Variants in GNG7 observed in about 807,000 individuals in gnomAD.
GNG7 encodes the protein G protein subunit gamma 7.
A neutral mutation model predicts 4.0 loss-of-function variants in GNG7; 1 was observed. That is an observed-to-expected ratio of 0.25 (90% CI 0.09 to 1.18). The LOEUF is 1.18. Ranked by LOEUF, GNG7 falls within the 50% of genes most tolerant of loss-of-function variation. The probability of loss-of-function intolerance (pLI) is 0.50; values close to 1 mark genes in which losing one functional copy is unlikely to be tolerated. For missense variants in GNG7, 86 were observed against 91.9 expected (o/e 0.94, Z 0.26); for synonymous variants, 34 against 36.9 (o/e 0.92, Z 0.29).
intron 1 of GNG7, among the ~76,000 whole-genome samples, chr19:2,685,211 G>T (rs990923108): frequency 6.6e-6 from 1 of 152,108 alleles, no homozygotes; most frequent in Non-Finnish European, 1.5e-5. Flanking sequence ...TGCTTCATGA[G>T]GACACAGTTT....
At chr19:2,556,012 G>A (rs1342998649) in intron 2 of GNG7, among the ~76,000 whole-genome samples, 1 of 152,230 alleles carries the variant, frequency 6.6e-6, no homozygotes, top group East Asian at 1.9e-4. Flanking sequence ...AGGTCTGGAG[G>A]GAGATCCAGG....
intron 3 of GNG7, among the ~76,000 whole-genome samples, chr19:2,547,197 C>T (rs1599383516): frequency 1.3e-5 from 2 of 152,114 alleles, no homozygotes; most frequent in East Asian, 1.9e-4. Flanking sequence ...TCTCCGCACA[C>T]TGGCAGCTCC....
chr19:2,697,139 A>T (rs1913286343), intron 1 of GNG7, among the ~76,000 whole-genome samples: 1 of 152,216 alleles, frequency 6.6e-6, no homozygotes, highest in South Asian at 2.1e-4. Context: ...AAAGGGGCTT[A>T]TAGGGATGTT....
rs933608351 is a variant in GNG7, at chr19:2,618,349, GTGTGTGTGT to G, written c.-78+27866_-78+27874del. 6.9e-6 allele frequency among the ~76,000 whole-genome samples: 1 copy of G among 144,776 alleles called. No homozygotes were observed. Among genetic ancestry groups the G allele is most frequent in the African/African-American group, 2.9e-5 (1 of 34,906 alleles). The allele number at this position is 144,776 out of a possible 152,430, so 95.0% of individuals were successfully genotyped here. On this transcript the variant is annotated intron_variant, in intron 2 of 4. Transcript: ENST00000382159. The surrounding 1 kb of genome is among the most constrained non-coding windows in gnomAD (Gnocchi z 5.1). The stretch of plus-strand genomic sequence containing the variant: ...TTCTACCTGTATGTGTGTGGTGTGT[GTGTGTGTGT>G]GTGTGTGTGTGTGTGTATCTCACTC...
chr19:2,542,731 C>T (rs1219118658), intron 3 of GNG7, among the ~76,000 whole-genome samples: 2 of 152,128 alleles, frequency 1.3e-5, no homozygotes, highest in Non-Finnish European at 2.9e-5. Context: ...CAGGATGGGA[C>T]TGGTTGGGGT....
chr19:2,697,418 G>A (rs1913293411), intron 1 of GNG7, among the ~76,000 whole-genome samples: 1 of 152,212 alleles, frequency 6.6e-6, no homozygotes, highest in East Asian at 1.9e-4. Flanking sequence ...GGACAGGAGT[G>A]ACCCCTCGGG....
At chr19:2,656,342 G>A (rs1299406849) in intron 1 of GNG7, among the ~76,000 whole-genome samples, 1 of 152,206 alleles carries the variant, frequency 6.6e-6, no homozygotes, top group Non-Finnish European at 1.5e-5. Context: ...GGTGGCTCAC[G>A]CCTGTCATCC....
Position 2,663,418 on chromosome 19 carries a change from G to A in GNG7, c.-134-17138C>T, listed in dbSNP as rs180948817. On this transcript the variant is annotated intron_variant, in intron 1 of 4. Coordinates refer to ENST00000382159, the MANE Select transcript of GNG7 (RefSeq NM_052847.3). ...GCTCTTTTGCCCTTCCACCTCTGAC[G>A]CAGCAAGAAGGCCCTCACCAGATGC... Among the ~76,000 whole-genome samples, 9 of 147,756 alleles carry A rather than the reference G, an allele frequency of 6.1e-5. No homozygotes were observed. The East Asian group carries it at 1.2e-3, about 20-fold the overall frequency.
Position 2,634,770 on chromosome 19 carries a change from A to C in GNG7, c.-78+11454T>G, listed in dbSNP as rs1273320413. On this transcript the variant is annotated intron_variant, in intron 2 of 4. Coordinates refer to ENST00000382159, the MANE Select transcript of GNG7 (RefSeq NM_052847.3). The surrounding 1 kb of genome is among the most constrained non-coding windows in gnomAD (Gnocchi z 5.3). ...GACCAGGACATGCTGAAATCTGGTG[A>C]CCGACCAGGGGGAAATAAACCCGCT... is the stretch of plus-strand genomic sequence containing the variant. 6.6e-6 allele frequency among the ~76,000 whole-genome samples: 1 copy of C among 152,040 alleles called. No individual in the cohort carries two copies. The highest frequency in any genetic ancestry group is 6.6e-5 in the Admixed American group (1 of 15,254).
At chr19:2,570,474 G>C (rs73522523) in intron 2 of GNG7, among the ~76,000 whole-genome samples, 5,036 of 152,190 alleles carry the variant, frequency 0.033, 289 homozygotes, top group African/African-American at 0.12. Context: ...ACATGTGGAT[G>C]GGGCCCGTGT....
At chr19:2,638,504 GGAAGGGGAGGGGAGGGGAAGGGAAGA>G (rs1982389875) in intron 2 of GNG7, among the ~76,000 whole-genome samples, 2 of 14,706 alleles carry the variant, frequency 1.4e-4, no homozygotes, top group Non-Finnish European at 4.3e-4. Context: ...GGAGGGGAAT[GGAAGGGGAGGGGAGGGGAAGGGAAGA>G]GGGAGGGGAG....
At chr19:2,645,829 G>C (rs1465441426) in intron 2 of GNG7, among the ~76,000 whole-genome samples, 2 of 152,160 alleles carry the variant, frequency 1.3e-5, no homozygotes, top group African/African-American at 4.8e-5. Context: ...TAAATCAACA[G>C]AGGAGAGCTA....
chr19:2,604,360 T>C (rs1443525707), intron 2 of GNG7, among the ~76,000 whole-genome samples: 2 of 150,858 alleles, frequency 1.3e-5, no homozygotes, highest in African/African-American at 4.9e-5. Flanking sequence ...TGGTCCCAGC[T>C]ACTCTGGAGG....
At chr19:2,661,363 A>C (rs922203470) in intron 1 of GNG7, among the ~76,000 whole-genome samples, 1 of 151,246 alleles carries the variant, frequency 6.6e-6, no homozygotes, top group Non-Finnish European at 1.5e-5. Flanking sequence ...AAAGAAAGAA[A>C]TGGGCCCTCC....
At chr19:2,615,960 C>T (rs966878966) in intron 2 of GNG7, among the ~76,000 whole-genome samples, 14 of 152,208 alleles carry the variant, frequency 9.2e-5, no homozygotes, top group African/African-American at 1.7e-4. Flanking sequence ...CAAATCCTTA[C>T]GGGCCACCCC....
chr19:2,663,263 T>C (rs1983223312), intron 1 of GNG7, among the ~76,000 whole-genome samples: 1 of 152,200 alleles, frequency 6.6e-6, no homozygotes, highest in African/African-American at 2.4e-5. Context: ...GTGAGAACTT[T>C]AAGAGGTGAT....
chr19:2,646,483 C>T (rs975259256), intron 1 of GNG7, among the ~76,000 whole-genome samples: 1 of 152,104 alleles, frequency 6.6e-6, no homozygotes, highest in African/African-American at 2.4e-5. Context: ...GTCAGAAGTT[C>T]GAGACCAGCC....
intron 2 of GNG7, among the ~76,000 whole-genome samples, chr19:2,621,026 C>T (rs1222475964): frequency 6.6e-6 from 1 of 152,056 alleles, no homozygotes; most frequent in African/African-American, 2.4e-5. Context: ...TTTCTGCAAA[C>T]GGGGGCCCCA....
intron 1 of GNG7, among the ~76,000 whole-genome samples, chr19:2,659,248 C>A (rs371398317): frequency 6.7e-6 from 1 of 149,384 alleles, no homozygotes; most frequent in East Asian, 2.1e-4. Context: ...GGATGACAGA[C>A]GTGAGCCACT....
Sources: allele counts gnomAD v4.1 joint callset (sites outside exome capture counted in the v4.1 genomes callset), GRCh38; gene constraint gnomAD v4.1.1; non-coding constraint Gnocchi (gnomAD v3.1); transcripts MANE v1.5; gene names NCBI Gene and HGNC (gene_info 2026-07-23, HGNC 2026-07-21).